Variants in EGF observed in about 807,000 individuals in gnomAD.
EGF encodes the protein pro-epidermal growth factor.
EGF carries 95 observed loss-of-function variants against 143.8 expected under a neutral mutation model. The ratio of observed to expected loss-of-function variants is 0.66; its 90% confidence interval spans 0.56 to 0.78. The LOEUF (loss-of-function observed/expected upper bound fraction) is 0.78, where lower values mean the gene tolerates loss of function less well. Ranked by LOEUF, EGF falls within the 30% of genes least tolerant of loss-of-function variation. EGF has a pLI of 0.00. For missense variants in EGF, 1,320 were observed against 1,470.9 expected, an observed-to-expected ratio of 0.90 and a Z score of 1.68; for synonymous variants, 510 against 510.5, an observed-to-expected ratio of 1.00 and a Z score of 0.01.
intron 5 of EGF, among the ~76,000 whole-genome samples, chr4:109,956,885 T>G (rs1387217474): frequency 6.6e-6 from 1 of 152,222 alleles, no homozygotes; most frequent in Non-Finnish European, 1.5e-5. Flanking sequence ...AGTAATTATT[T>G]GTAACTAAGA....
At chr4:110,010,832 G>T (rs923875243) in intron 23 of EGF, among the ~76,000 whole-genome samples, 2 of 152,106 alleles carry the variant, frequency 1.3e-5, no homozygotes, top group African/African-American at 4.8e-5. Flanking sequence ...AGGTTGAGGT[G>T]GGCGAATCGC....
At position 109,930,981 on chromosome 4, in the gene EGF, AT is replaced by A. The variant is rs3834237; in HGVS notation, c.128-9964del. 0.013 allele frequency among the ~76,000 whole-genome samples: 1,978 copies of A among 152,258 alleles called. 204 individuals are homozygous for A. In the East Asian group the frequency reaches 0.23, roughly 18 times the overall value. ...TTAAGGTTTGTGTTCCCTAGAAATG[AT>A]GTTTCATTTTGTATGTACTTCCCCC... On this transcript the variant is annotated intron_variant, in intron 1 of 23. Transcript: ENST00000265171.
At chr4:109,920,262 G>A (rs186276689) in intron 1 of EGF, among the ~76,000 whole-genome samples, 1 of 151,812 alleles carries the variant, frequency 6.6e-6, no homozygotes, top group East Asian at 1.9e-4. Context: ...TAAATTGCCT[G>A]ATCTAAGCTA....
chr4:109,945,253 A>G lies in EGF; in HGVS notation c.918A>G (p.Ala306=). Residue 306 remains alanine (A), a synonymous_variant, in exon 5 of 24, where the codon GCA becomes GCG. Coordinates refer to ENST00000265171, the MANE Select transcript of EGF (RefSeq NM_001963.6). ...TGCATCCACTTGCACAACCCAAGGC[A>G]GAAGATGACACTTGGGAGCCTGGTG... ...KVVHPLAQPK[A]EDDTWEPEQK... 6.2e-7 allele frequency: 1 copy of G among 1,614,074 alleles called. No homozygotes were observed. The highest frequency in any genetic ancestry group is 8.5e-7 in the Non-Finnish European group (1 of 1,179,986).
intron 5 of EGF, among the ~76,000 whole-genome samples, chr4:109,957,948 TG>T (rs1315759500): frequency 1.3e-5 from 2 of 152,206 alleles, no homozygotes; most frequent in Admixed American, 1.3e-4. Flanking sequence ...TATTTTACAA[TG>T]GTGCTATTGT....
intron 5 of EGF, among the ~76,000 whole-genome samples, chr4:109,950,545 C>T (rs2126028593): frequency 6.6e-6 from 1 of 152,296 alleles, no homozygotes; most frequent in East Asian, 1.9e-4. Context: ...ACTGAGAATT[C>T]CTAATCATCA....
intron 5 of EGF, among the ~76,000 whole-genome samples, chr4:109,955,480 T>G (rs914740844): frequency 6.6e-6 from 1 of 152,174 alleles, no homozygotes; most frequent in African/African-American, 2.4e-5. Flanking sequence ...TTTTAAAGTG[T>G]TTAGTGTCTG....
chr4:109,991,657 C>G (rs1377610057), intron 18 of EGF, among the ~76,000 whole-genome samples: 1 of 152,028 alleles, frequency 6.6e-6, no homozygotes, highest in Non-Finnish European at 1.5e-5. Context: ...ATAGTTTATT[C>G]TTATATAAAA....
Position 109,964,626 on chromosome 4 carries a change from A to T in EGF, c.1575+89A>T, listed in dbSNP as rs142117900. On this transcript the variant is annotated intron_variant, in intron 10 of 23. Coordinates refer to ENST00000265171, the MANE Select transcript of EGF (RefSeq NM_001963.6). Reference sequence around the variant, plus strand: ...TAACAAATGACCTGGCCTACTTGAAAATCCTCTGCTAAGTTCTGAATGATT... The same window carrying T: ...TAACAAATGACCTGGCCTACTTGAATATCCTCTGCTAAGTTCTGAATGATT... 9.9e-5 allele frequency: 155 copies of T among 1,564,888 alleles called. 2 individuals are homozygous for T. The East Asian group carries it at 3.5e-3, about 35-fold the overall frequency.
intron 1 of EGF, 142 bp from the exon 2 acceptor site, chr4:109,940,804 G>A (rs1741796545): frequency 2.4e-6 from 2 of 828,230 alleles, no homozygotes; most frequent in Non-Finnish European, 3.9e-6. Context: ...ACTCTTTATT[G>A]TCTATAAATA....
chr4:109,971,877 C>T (rs1288355753), intron 11 of EGF, among the ~76,000 whole-genome samples: 1 of 152,120 alleles, frequency 6.6e-6, no homozygotes, highest in African/African-American at 2.4e-5. Context: ...TTCAAATTAA[C>T]ATCTAAATGT....
At chr4:110,010,605 C>T (rs1380163407) in intron 23 of EGF, among the ~76,000 whole-genome samples, 2 of 152,094 alleles carry the variant, frequency 1.3e-5, no homozygotes, top group Admixed American at 6.5e-5. Context: ...GCATGCACTA[C>T]CATGCCCAGC....
chr4:109,915,259 C>T (rs1736423869), intron 1 of EGF, among the ~76,000 whole-genome samples: 1 of 152,166 alleles, frequency 6.6e-6, no homozygotes, highest in Admixed American at 6.5e-5. Flanking sequence ...AACTTAATAG[C>T]TGAGTTACTT....
intron 8 of EGF, among the ~76,000 whole-genome samples, chr4:109,962,592 G>A (rs909933500): frequency 4.6e-5 from 7 of 152,158 alleles, no homozygotes; most frequent in Non-Finnish European, 1.0e-4. Flanking sequence ...CTAGACAGCT[G>A]CCAGTGCACT....
At chr4:109,981,518 G>C (rs773920385) in intron 15 of EGF, among the ~76,000 whole-genome samples, 11 of 152,192 alleles carry the variant, frequency 7.2e-5, no homozygotes, top group Non-Finnish European at 1.5e-4. Flanking sequence ...GGTATAACCA[G>C]TAGTACTTAT....
rs1209312578 is a variant in EGF, at chr4:110,001,739, C to T, written c.3173+1893C>T. 4.1e-6 allele frequency: 4 copies of T among 985,244 alleles called. No homozygotes were observed. In the African/African-American group the frequency reaches 5.2e-5, roughly 13 times the overall value. The allele number at this position is 985,244 out of a possible 1,614,324, so 61.0% of individuals were successfully genotyped here. The stretch of plus-strand genomic sequence containing the variant: ...GAAAGATGACTATAGACTTTACATA[C>T]ATATAAGAGTATCTTCAACCTCAGA... On this transcript the variant is annotated intron_variant, in intron 21 of 23. Transcript: ENST00000265171.
At chr4:109,981,848 T>C (rs1011104266) in intron 15 of EGF, among the ~76,000 whole-genome samples, 1 of 152,130 alleles carries the variant, frequency 6.6e-6, no homozygotes, top group African/African-American at 2.4e-5. Flanking sequence ...ACATAGAGTG[T>C]TAAAAAGCTG....
rs556416421 is a variant in EGF at position 109,936,784 on chromosome 4, A to C, written c.128-4162A>C. On this transcript the variant is annotated intron_variant, in intron 1 of 23. Transcript: ENST00000265171. ...CCAATAACTTATTTATTTCTCCCTT[A>C]ATTTCGTTATTTACCCAGTAGTCAT... is the stretch of plus-strand genomic sequence containing the variant. Among the ~76,000 whole-genome samples the C allele has an allele frequency of 7.9e-5, 12 of 152,054 alleles. 1 individual carries two copies. Among genetic ancestry groups the C allele is most frequent in the African/African-American group, 2.7e-4 (11 of 41,474 alleles).
chr4:109,953,063 C>T (rs1445582200), intron 5 of EGF, among the ~76,000 whole-genome samples: 6 of 152,142 alleles, frequency 3.9e-5, no homozygotes, highest in South Asian at 2.1e-4. Flanking sequence ...TCTCTAATTT[C>T]CTTGTTACCT....
Sources: allele counts gnomAD v4.1 joint callset (sites outside exome capture counted in the v4.1 genomes callset), GRCh38; gene constraint gnomAD v4.1.1; transcripts MANE v1.5; gene names NCBI Gene and HGNC (gene_info 2026-07-23, HGNC 2026-07-21).